The following PCDH15 variants were observed in gnomAD, a reference collection of about 807,000 sequenced individuals.
The protein encoded by PCDH15 is protocadherin related 15, also known as protocadherin-15.
Under a neutral mutation model 178.5 loss-of-function variants are expected in PCDH15, and 129 were observed. That is an observed-to-expected ratio of 0.72 (90% CI 0.63 to 0.84). The LOEUF is 0.84. PCDH15 is among the 40% of genes least tolerant of loss of function. PCDH15 has a pLI of 0.00. For missense variants in PCDH15, 2,230 were observed against 2,099.9 expected (o/e 1.06, Z -1.21); for synonymous variants, 800 against 732.0 (o/e 1.09, Z -1.50).
chr10:54,956,173 T>A (rs892778165), intron 2 of PCDH15, among the ~76,000 whole-genome samples: 1 of 151,380 alleles, frequency 6.6e-6, no homozygotes. Flanking sequence ...CAAGTATCAT[T>A]CTATTCTCTA....
intron 3 of PCDH15, among the ~76,000 whole-genome samples, chr10:54,515,887 G>C (rs1019106512): frequency 1.3e-5 from 2 of 152,138 alleles, no homozygotes; most frequent in African/African-American, 2.4e-5. Flanking sequence ...AGGCAAACAG[G>C]GTCTGGAGGG....
chr10:54,339,064 A>C (rs1941743513), intron 6 of PCDH15, among the ~76,000 whole-genome samples: 1 of 152,192 alleles, frequency 6.6e-6, no homozygotes. Flanking sequence ...TATTTTTTCA[A>C]AACAAACTAA....
At chr10:54,399,774 G>A (rs1036566450) in intron 3 of PCDH15, among the ~76,000 whole-genome samples, 7 of 152,014 alleles carry the variant, frequency 4.6e-5, no homozygotes, top group Non-Finnish European at 8.8e-5. Context: ...CACATCCGCG[G>A]GAACAGCAAA....
chr10:55,070,052 GT>G (rs1055390760), intron 2 of PCDH15, among the ~76,000 whole-genome samples: 4 of 151,534 alleles, frequency 2.6e-5, no homozygotes, highest in African/African-American at 9.7e-5. Flanking sequence ...TTTTTCATGT[GT>G]TTTTTGGCTG....
chr10:54,098,576 T>G (rs1361715756), intron 15 of PCDH15, among the ~76,000 whole-genome samples: 1 of 152,206 alleles, frequency 6.6e-6, no homozygotes, highest in Non-Finnish European at 1.5e-5. Context: ...GAGAGCTGTC[T>G]CTAGAATAGT....
chr10:54,112,200 G>A (rs1337511640), intron 15 of PCDH15, among the ~76,000 whole-genome samples: 4 of 151,802 alleles, frequency 2.6e-5, no homozygotes, highest in East Asian at 1.9e-4. Context: ...TTCCTCTGGC[G>A]ACCATATTCC....
chr10:53,976,791 G>A (rs1042980713), intron 21 of PCDH15, among the ~76,000 whole-genome samples: 3 of 151,138 alleles, frequency 2.0e-5, no homozygotes, highest in Non-Finnish European at 2.9e-5. Flanking sequence ...TGATATTTAC[G>A]GTGTCTTTTA....
At chr10:54,349,291 G>C (rs541527882) in intron 5 of PCDH15, among the ~76,000 whole-genome samples, 1 of 152,078 alleles carries the variant, frequency 6.6e-6, no homozygotes, top group Non-Finnish European at 1.5e-5. Flanking sequence ...TTGGTCTTGC[G>C]GGGAAGATAT....
At chr10:54,629,658 G>T (rs1350176502) in intron 2 of PCDH15, among the ~76,000 whole-genome samples, 1 of 152,068 alleles carries the variant, frequency 6.6e-6, no homozygotes, top group African/African-American at 2.4e-5. Flanking sequence ...AAATCTGGAA[G>T]CATACCCCTT....
chr10:54,007,406 A>C (rs1278999586), intron 20 of PCDH15, among the ~76,000 whole-genome samples: 3 of 152,140 alleles, frequency 2.0e-5, no homozygotes, highest in Admixed American at 6.6e-5. Flanking sequence ...ATTTACTATC[A>C]TCACAGATTC....
rs181500239 is a variant in PCDH15, at chr10:54,273,824, C to T, written c.877-36893G>A. ...ACACTCCTGAACCAGAGCTTGGCAC[C>T]GGCTATTCCCTCTGGAACACCCTTT... On this transcript the variant is annotated intron_variant, in intron 8 of 37. Transcript: ENST00000644397. Among the ~76,000 whole-genome samples, 374 of 152,108 alleles carry T rather than the reference C, an allele frequency of 2.5e-3. 1 individual carries two copies. Among genetic ancestry groups the T allele is most frequent in the African/African-American group, 8.2e-3 (340 of 41,516 alleles).
chr10:54,859,210 T>C (rs1213887448), intron 3 of PCDH15, among the ~76,000 whole-genome samples: 2 of 152,144 alleles, frequency 1.3e-5, no homozygotes, highest in Non-Finnish European at 2.9e-5. Context: ...AAAGACACTT[T>C]AATAACTCTC....
At chr10:55,326,142 A>T (rs562522302) in intron 2 of PCDH15, among the ~76,000 whole-genome samples, 2 of 152,272 alleles carry the variant, frequency 1.3e-5, no homozygotes, top group African/African-American at 4.8e-5. Flanking sequence ...GTGGGAATGT[A>T]AATTCATTCA....
chr10:55,501,456 G>A (rs1044318854), intron 2 of PCDH15, among the ~76,000 whole-genome samples: 2 of 151,648 alleles, frequency 1.3e-5, no homozygotes, highest in Non-Finnish European at 2.9e-5. Flanking sequence ...TTATGTATTT[G>A]CTAATTTCCT....
intron 1 of PCDH15, among the ~76,000 whole-genome samples, chr10:55,193,865 C>T (rs1446086186): frequency 6.6e-6 from 1 of 151,780 alleles, no homozygotes; most frequent in Non-Finnish European, 1.5e-5. Flanking sequence ...AGTAGTGTTG[C>T]AGCTTGATAC....
chr10:55,325,350 T>C (rs1300883261), intron 2 of PCDH15, among the ~76,000 whole-genome samples: 1 of 152,064 alleles, frequency 6.6e-6, no homozygotes, highest in East Asian at 1.9e-4. Flanking sequence ...CCAAATAGCA[T>C]GGTATGGTAC....
intron 8 of PCDH15, among the ~76,000 whole-genome samples, chr10:54,316,101 C>G (rs967685057): frequency 5.3e-5 from 8 of 150,260 alleles, no homozygotes; most frequent in African/African-American, 2.0e-4. Context: ...CTTCATTTGG[C>G]TGAAAACATA....
intron 28 of PCDH15, among the ~76,000 whole-genome samples, chr10:53,846,827 A>T (rs2078008480): frequency 6.6e-6 from 1 of 152,002 alleles, no homozygotes; most frequent in African/African-American, 2.4e-5. Flanking sequence ...CACTAAAATT[A>T]TTACAGCAGC....
In PCDH15 at chr10:53,838,271, G is replaced by A. The variant is rs534146997; in HGVS notation, c.3983+2049C>T. Reference sequence around the variant, plus strand: ...ATTACAGGCGTGAGCTACCGCGCCCGGCCAAAAATTTATTTTATGATTTAT... The same window carrying A: ...ATTACAGGCGTGAGCTACCGCGCCCAGCCAAAAATTTATTTTATGATTTAT... On this transcript the variant is annotated intron_variant, in intron 29 of 37. Coordinates refer to ENST00000644397, the MANE Select transcript of PCDH15 (RefSeq NM_001384140.1). Among the ~76,000 whole-genome samples the A allele has an allele frequency of 1.9e-4, 29 of 152,128 alleles. No individual in the cohort carries two copies. The South Asian group carries it at 5.6e-3, about 29-fold the overall frequency.
Sources: gnomAD v4.1 joint callset for allele counts (sites outside exome capture counted in the v4.1 genomes callset) on GRCh38, gnomAD v4.1.1 for gene constraint, MANE v1.5 for transcripts, NCBI Gene and HGNC (gene_info 2026-07-23, HGNC 2026-07-21) for gene names.